RBPJ: variants seen among roughly 807,000 people sequenced by gnomAD.
RBPJ encodes recombination signal binding protein for immunoglobulin kappa J region, also known as recombining binding protein suppressor of hairless.
Under a neutral mutation model 67.8 loss-of-function variants are expected in RBPJ, and 9 were observed. The ratio of observed to expected loss-of-function variants is 0.13; its 90% CI spans 0.08 to 0.23. RBPJ has a LOEUF of 0.23. RBPJ is among the 10% of genes least tolerant of loss of function. The pLI, the probability that RBPJ is intolerant of heterozygous loss-of-function variation, is 1.00. For missense variants in RBPJ, 305 were observed against 595.6 expected (o/e 0.51, Z 5.08); for synonymous variants, 198 against 203.3 (o/e 0.97, Z 0.22).
chr4:26,421,500 C>T (rs1236269355), intron 5 of RBPJ, among the ~76,000 whole-genome samples: 4 of 152,116 alleles, frequency 2.6e-5, no homozygotes, highest in African/African-American at 2.4e-5. Context: ...GATGAGGTTT[C>T]GCCATTTGGC....
intron 1 of RBPJ, among the ~76,000 whole-genome samples, chr4:26,282,666 G>T (rs569987429): frequency 6.6e-6 from 1 of 150,756 alleles, no homozygotes; most frequent in African/African-American, 2.4e-5. Context: ...GATTACAGGC[G>T]CATGCCACCA....
upstream of RBPJ, among the ~76,000 whole-genome samples, chr4:26,315,096 G>A (rs1722557101): frequency 7.6e-6 from 1 of 130,844 alleles, no homozygotes; most frequent in Non-Finnish European, 1.5e-5. Context: ...AGAGCACGGA[G>A]ATCGTGCCAC....
At chr4:26,168,650 T>C (rs1009713540) in intron 1 of RBPJ, among the ~76,000 whole-genome samples, 1 of 152,240 alleles carries the variant, frequency 6.6e-6, no homozygotes, top group African/African-American at 2.4e-5. Context: ...TTCTCCTGGA[T>C]AATATCCTGC....
chr4:26,425,026 G>A, intron 7 of RBPJ: 2 of 434,668 alleles, frequency 4.6e-6, no homozygotes, highest in Non-Finnish European at 4.0e-6. Context: ...CTGTTTATCT[G>A]AAGATGTTCA....
intron 1 of RBPJ, among the ~76,000 whole-genome samples, chr4:26,241,336 A>C (rs1420186659): frequency 6.6e-6 from 1 of 152,196 alleles, no homozygotes; most frequent in Non-Finnish European, 1.5e-5. Flanking sequence ...CTGACATTGG[A>C]GACTTAAGCA....
intron 1 of RBPJ, among the ~76,000 whole-genome samples, chr4:26,241,641 AGCTGAGACTACAG>A (rs569640705): frequency 2.2e-4 from 34 of 152,060 alleles, no homozygotes; most frequent in African/African-American, 8.0e-4. Context: ...CCTCCCAAGT[AGCTGAGACTACAG>A]GCATGCCCCA....
chr4:26,259,370 A>T (rs1344273978), intron 1 of RBPJ, among the ~76,000 whole-genome samples: 1 of 151,924 alleles, frequency 6.6e-6, no homozygotes, highest in Non-Finnish European at 1.5e-5. Context: ...AAAGTCAACA[A>T]GAAAAAATGG....
chr4:26,173,169 TC>T (rs1716657384), intron 1 of RBPJ, among the ~76,000 whole-genome samples: 1 of 152,174 alleles, frequency 6.6e-6, no homozygotes, highest in East Asian at 1.9e-4. Context: ...AGAGTCTTGC[TC>T]TGTTGCCCAG....
At chr4:26,332,288 C>T (rs367898119) in intron 1 of RBPJ, among the ~76,000 whole-genome samples, 1 of 152,014 alleles carries the variant, frequency 6.6e-6, no homozygotes, top group African/African-American at 2.4e-5. Context: ...TTTGTCCTGG[C>T]CTTCCTCCCA....
chr4:26,208,942 G>C (rs556862704), intron 1 of RBPJ, among the ~76,000 whole-genome samples: 3 of 152,168 alleles, frequency 2.0e-5, no homozygotes, highest in Non-Finnish European at 2.9e-5. Flanking sequence ...TTAAATTATA[G>C]TCTTTCAGTT....
the RBPJ span, among the ~76,000 whole-genome samples, chr4:26,148,113 T>C: frequency 1.3e-5 from 2 of 152,204 alleles, no homozygotes; most frequent in African/African-American, 4.8e-5. Flanking sequence ...AAGTAGTCTA[T>C]AGGACTTCTT....
chr4:26,221,375 C>T (rs1390953764), intron 1 of RBPJ, among the ~76,000 whole-genome samples: 1 of 152,214 alleles, frequency 6.6e-6, no homozygotes, highest in Non-Finnish European at 1.5e-5. Context: ...CAGGCAGGAG[C>T]CACCGTGCCC....
chr4:26,282,314 C>T (rs1439163554), intron 1 of RBPJ, among the ~76,000 whole-genome samples: 1 of 151,546 alleles, frequency 6.6e-6, no homozygotes, highest in Non-Finnish European at 1.5e-5. Context: ...TGTCAAAATC[C>T]GCATGCTATT....
chr4:26,411,326 T>G (rs185343054), intron 3 of RBPJ, among the ~76,000 whole-genome samples: 52 of 152,108 alleles, frequency 3.4e-4, no homozygotes, highest in Admixed American at 3.1e-3. Flanking sequence ...CTTTTATTTT[T>G]ACCCCACTCC....
chr4:26,380,272 A>G (rs998561399), intron 1 of RBPJ, among the ~76,000 whole-genome samples: 2 of 152,238 alleles, frequency 1.3e-5, no homozygotes, highest in Non-Finnish European at 2.9e-5. Flanking sequence ...AATTATATAG[A>G]TGAACGTCTG....
chr4:26,349,095 C>CGCGCGCGTGT (rs780379162), intron 1 of RBPJ, among the ~76,000 whole-genome samples: 3 of 151,002 alleles, frequency 2.0e-5, no homozygotes, highest in African/African-American at 7.3e-5. Flanking sequence ...TGTGCGCGCG[C>CGCGCGCGTGT]GCACGCACTT....
At chr4:26,278,173 T>C (rs1721144046) in intron 1 of RBPJ, among the ~76,000 whole-genome samples, 1 of 152,230 alleles carries the variant, frequency 6.6e-6, no homozygotes, top group Non-Finnish European at 1.5e-5. Context: ...TTATAACATA[T>C]ACTTCATATT....
In RBPJ at chr4:26,430,069, C is replaced by T. The variant is rs1225072774; in HGVS notation, c.1044+16C>T. ...GAGCCTTCAGGTGAGAACGCCTAGT[C>T]CAAGTTGGCCTTCAGCTCTTTGCAG... On this transcript the variant is annotated intron_variant, in intron 9 of 10. Transcript: ENST00000355476. The surrounding 1 kb of genome is among the most constrained non-coding windows in gnomAD (Gnocchi z 4.1). 2.5e-6 allele frequency: 4 copies of T among 1,613,718 alleles called. No individual in the cohort carries two copies. In the Admixed American group the frequency reaches 5.0e-5, roughly 20 times the overall value.
At chr4:26,250,923 A>G (rs900801963) in intron 1 of RBPJ, among the ~76,000 whole-genome samples, 1 of 152,180 alleles carries the variant, frequency 6.6e-6, no homozygotes, top group African/African-American at 2.4e-5. Context: ...TATTCTGTGG[A>G]AGTAAACTTT....
Sources: allele counts gnomAD v4.1 joint callset (sites outside exome capture counted in the v4.1 genomes callset), GRCh38; gene constraint gnomAD v4.1.1; non-coding constraint Gnocchi (gnomAD v3.1); transcripts MANE v1.5; gene names NCBI Gene and HGNC (gene_info 2026-07-23, HGNC 2026-07-21).